Variants in EXOC4 observed in about 807,000 individuals in gnomAD.
EXOC4 encodes SEC8-like 1.
EXOC4 carries 71 observed loss-of-function variants against 107.2 expected under a neutral mutation model. The ratio of observed to expected loss-of-function variants is 0.66; its 90% CI spans 0.55 to 0.81. EXOC4 has a LOEUF of 0.81. Ranked by LOEUF, EXOC4 falls within the 30% of genes least tolerant of loss-of-function variation. The probability of loss-of-function intolerance (pLI) is 0.00; values close to 1 mark genes in which losing one functional copy is unlikely to be tolerated. For synonymous variants in EXOC4, 456 were observed against 441.2 expected (o/e 1.03, Z -0.42); for missense variants, 1,108 against 1,189.6 (o/e 0.93, Z 1.01).
chr7:133,814,603 G>A (rs1797319958), intron 10 of EXOC4, among the ~76,000 whole-genome samples: 1 of 152,122 alleles, frequency 6.6e-6, no homozygotes, highest in South Asian at 2.1e-4. Flanking sequence ...GTGCCAACCT[G>A]CCTTCCATAA....
intron 7 of EXOC4, among the ~76,000 whole-genome samples, chr7:133,378,372 C>A (rs547606129): frequency 6.8e-6 from 1 of 146,890 alleles, no homozygotes; most frequent in Admixed American, 6.9e-5. Context: ...TAACTTAGAT[C>A]TACAGAAAAA....
Position 133,442,283 on chromosome 7 carries a change from G to A in EXOC4, c.1183-33045G>A, listed in dbSNP as rs566356593. 5.9e-5 allele frequency among the ~76,000 whole-genome samples: 9 copies of A among 152,270 alleles called. No individual in the cohort carries two copies. The South Asian group carries it at 1.9e-3, about 32-fold the overall frequency. Reference sequence around the variant, plus strand: ...TTGAAAGCCTAGCGTGAAGTGAGGGGAACAGAATAAGGACAATGAGAATAG... The same window carrying A: ...TTGAAAGCCTAGCGTGAAGTGAGGGAAACAGAATAAGGACAATGAGAATAG... On this transcript the variant is annotated intron_variant, in intron 7 of 17. Coordinates refer to ENST00000253861, the MANE Select transcript of EXOC4 (RefSeq NM_021807.4).
At chr7:134,048,879 A>AC (rs1795719266) in intron 17 of EXOC4, among the ~76,000 whole-genome samples, 1 of 152,142 alleles carries the variant, frequency 6.6e-6, no homozygotes, top group African/African-American at 2.4e-5. Flanking sequence ...AGAAAAAAAA[A>AC]ATAGCCAAGT....
At chr7:133,513,797 C>G (rs573232177) in intron 9 of EXOC4, among the ~76,000 whole-genome samples, 1 of 152,226 alleles carries the variant, frequency 6.6e-6, no homozygotes, top group East Asian at 1.9e-4. Flanking sequence ...TAACATCTGT[C>G]TTGTCCCTTG....
At chr7:133,636,263 G>A (rs1432842705) in intron 10 of EXOC4, among the ~76,000 whole-genome samples, 1 of 152,058 alleles carries the variant, frequency 6.6e-6, no homozygotes, top group East Asian at 1.9e-4. Context: ...AAGAGACAAC[G>A]CTTAACCAGA....
In EXOC4 at chr7:133,356,413, A is replaced by G. The variant is rs1796020895; in HGVS notation, c.847A>G (p.Ile283Val). The G allele has an allele frequency of 7.4e-6, 12 of 1,614,030 alleles. No homozygotes were observed. Among genetic ancestry groups the G allele is most frequent in the Non-Finnish European group, 9.3e-6 (11 of 1,180,016 alleles). Reference protein sequence around the residue: ...ENSTLFMGILIKGLAKLKKIP... With the variant: ...ENSTLFMGILVKGLAKLKKIP... ...CAGCACCCTGTTTATGGGTATCCTC[A>G]TTAAGGGCTTGGCGAAACTGAAGAA... The change falls in exon 6 of 18, where the codon ATT becomes GTT. Residue 283 changes from isoleucine to valine, a missense_variant. Physicochemically the swap from Ile to Val is conservative, Grantham distance 29. Transcript: ENST00000253861.
At chr7:133,372,310 T>G (rs1156606217) in intron 6 of EXOC4, among the ~76,000 whole-genome samples, 1 of 151,796 alleles carries the variant, frequency 6.6e-6, no homozygotes, top group Non-Finnish European at 1.5e-5. Context: ...TGGCTGGAGG[T>G]CTCAAAAAAG....
intron 9 of EXOC4, among the ~76,000 whole-genome samples, chr7:133,495,050 T>C (rs1161456214): frequency 6.6e-6 from 1 of 152,078 alleles, no homozygotes; most frequent in Non-Finnish European, 1.5e-5. Flanking sequence ...GCTGGGCAGA[T>C]CACGTGAGAT....
intron 7 of EXOC4, among the ~76,000 whole-genome samples, chr7:133,455,850 TTGCAACATAAGCAG>T (rs1798451498): frequency 6.6e-6 from 1 of 152,234 alleles, no homozygotes; most frequent in Non-Finnish European, 1.5e-5. Context: ...ACAGAACTTC[TTGCAACATAAGCAG>T]TGCAACTCTT....
chr7:133,282,759 A>C (rs1219731901), intron 2 of EXOC4, among the ~76,000 whole-genome samples: 1 of 152,182 alleles, frequency 6.6e-6, no homozygotes, highest in Non-Finnish European at 1.5e-5. Flanking sequence ...ACTTCACCTC[A>C]CATGCTTATC....
chr7:133,260,041 T>C (rs1795108340), intron 1 of EXOC4, among the ~76,000 whole-genome samples: 1 of 152,196 alleles, frequency 6.6e-6, no homozygotes, highest in Non-Finnish European at 1.5e-5. Flanking sequence ...CAGTACTTTT[T>C]TTTTTGTGTG....
intron 10 of EXOC4, among the ~76,000 whole-genome samples, chr7:133,815,522 T>C (rs1373773144): frequency 1.3e-5 from 2 of 152,232 alleles, no homozygotes; most frequent in Admixed American, 6.5e-5. Context: ...GTTAAAATCT[T>C]ATCAAGAGTA....
chr7:134,019,940 G>A (rs1241192712), intron 17 of EXOC4, among the ~76,000 whole-genome samples: 4 of 152,076 alleles, frequency 2.6e-5, no homozygotes, highest in Non-Finnish European at 5.9e-5. Flanking sequence ...TACCTTGGTG[G>A]TGTTATGGGG....
At chr7:133,687,039 C>T (rs13225404) in intron 10 of EXOC4, among the ~76,000 whole-genome samples, 2 of 107,134 alleles carry the variant, frequency 1.9e-5, no homozygotes, top group Non-Finnish European at 4.0e-5. Flanking sequence ...GTGTGTGTGT[C>T]TGTGTGTGTG....
At chr7:133,867,624 C>T (rs904821834) in intron 11 of EXOC4, among the ~76,000 whole-genome samples, 1 of 152,168 alleles carries the variant, frequency 6.6e-6, no homozygotes, top group Non-Finnish European at 1.5e-5. Flanking sequence ...GTCCAGTTTC[C>T]TGCAGCAGTT....
intron 10 of EXOC4, among the ~76,000 whole-genome samples, chr7:133,761,474 G>A (rs1467277327): frequency 6.6e-6 from 1 of 152,122 alleles, no homozygotes; most frequent in Non-Finnish European, 1.5e-5. Context: ...CCAATTGTCA[G>A]TGTCATCATG....
chr7:133,331,018 G>A (rs759088567), intron 5 of EXOC4, among the ~76,000 whole-genome samples: 2 of 151,752 alleles, frequency 1.3e-5, no homozygotes, highest in African/African-American at 2.4e-5. Flanking sequence ...GGCCTATGAC[G>A]TAGTTAGGGC....
intron 10 of EXOC4, among the ~76,000 whole-genome samples, chr7:133,671,584 A>C (rs966794339): frequency 1.3e-5 from 2 of 152,068 alleles, no homozygotes; most frequent in African/African-American, 4.8e-5. Context: ...TAAATAAGTA[A>C]ATAAATAGGA....
intron 3 of EXOC4, among the ~76,000 whole-genome samples, chr7:133,290,671 GT>G (rs1458407757): frequency 6.6e-6 from 1 of 152,102 alleles, no homozygotes; most frequent in Non-Finnish European, 1.5e-5. Context: ...TTGTGTTACG[GT>G]CTTTGTTCTT....
Sources: allele counts gnomAD v4.1 joint callset (sites outside exome capture counted in the v4.1 genomes callset), GRCh38; gene constraint gnomAD v4.1.1; transcripts MANE v1.5; gene names NCBI Gene and HGNC (gene_info 2026-07-23, HGNC 2026-07-21).